TRPC1: variants seen among roughly 807,000 people sequenced by gnomAD.
The protein encoded by TRPC1 is short transient receptor potential channel 1.
A neutral mutation model predicts 88.2 loss-of-function variants in TRPC1; 42 were observed. The ratio of observed to expected loss-of-function variants is 0.48; its 90% CI spans 0.37 to 0.62. The LOEUF is 0.62. Among genes scored for constraint, TRPC1 ranks in the 20% least tolerant of loss-of-function variants. TRPC1 has a pLI of 0.00. For missense variants in TRPC1, 699 were observed against 957.3 expected (o/e 0.73, Z 3.56); for synonymous variants, 288 against 331.8 (o/e 0.87, Z 1.43).
intron 9 of TRPC1, among the ~76,000 whole-genome samples, chr3:142,799,156 T>A (rs1936536374): frequency 6.6e-6 from 1 of 152,156 alleles, no homozygotes; most frequent in Admixed American, 6.6e-5. Flanking sequence ...GTAGTTTGCT[T>A]TAATTTCCCT....
At chr3:142,797,013 CCT>C (rs1006049746) in intron 9 of TRPC1, among the ~76,000 whole-genome samples, 4 of 152,030 alleles carry the variant, frequency 2.6e-5, no homozygotes, top group Non-Finnish European at 5.9e-5. Flanking sequence ...GTTTGCCCTT[CCT>C]CTTTTTTTCT....
At chr3:142,756,954 T>C (rs1934992807) in intron 4 of TRPC1, among the ~76,000 whole-genome samples, 1 of 152,228 alleles carries the variant, frequency 6.6e-6, no homozygotes. Context: ...TCTACTGTTT[T>C]AGCTACCAAA....
chr3:142,780,802 C>T (rs572233004), intron 5 of TRPC1, 32 bp from the exon 6 acceptor site: 20 of 1,546,458 alleles, frequency 1.3e-5, no homozygotes, highest in Middle Eastern at 1.7e-4. Context: ...ATGGAAACGA[C>T]GTTTCTGATA....
intron 9 of TRPC1, among the ~76,000 whole-genome samples, chr3:142,795,664 C>T (rs1936428652): frequency 6.6e-6 from 1 of 151,768 alleles, no homozygotes. Flanking sequence ...CTTCCAGACA[C>T]ACAAAAGCTA....
intron 4 of TRPC1, among the ~76,000 whole-genome samples, chr3:142,749,645 A>T (rs539841663): frequency 2.2e-4 from 34 of 152,348 alleles, no homozygotes; most frequent in Middle Eastern, 3.4e-3. Flanking sequence ...ACAAAGCTGG[A>T]GGCATCACGC....
intron 3 of TRPC1, among the ~76,000 whole-genome samples, chr3:142,747,159 A>G (rs968398255): frequency 3.9e-5 from 6 of 152,156 alleles, no homozygotes; most frequent in African/African-American, 1.4e-4. Context: ...TCCTTAGAAT[A>G]CCTACTGTTT....
chr3:142,804,236 A>G, intron 11 of TRPC1, 58 bp downstream of exon 11: 3 of 1,456,712 alleles, frequency 2.1e-6, no homozygotes, highest in Non-Finnish European at 2.9e-6. Context: ...AGTGCATACA[A>G]TAGATAAGAT....
chr3:142,784,473 T>G (rs1188305477), intron 6 of TRPC1, among the ~76,000 whole-genome samples: 1 of 152,176 alleles, frequency 6.6e-6, no homozygotes, highest in Non-Finnish European at 1.5e-5. Context: ...TTAAAGGTCA[T>G]TTACCAAGTA....
At chr3:142,800,985 G>A (rs1936602869) in intron 9 of TRPC1, among the ~76,000 whole-genome samples, 1 of 151,282 alleles carries the variant, frequency 6.6e-6, no homozygotes, top group African/African-American at 2.4e-5. Context: ...GATAAACATG[G>A]TTAACAATTT....
intron 4 of TRPC1, among the ~76,000 whole-genome samples, chr3:142,755,272 A>T (rs1447082998): frequency 2.0e-5 from 3 of 151,988 alleles, no homozygotes; most frequent in African/African-American, 7.3e-5. Flanking sequence ...CAAATACAAA[A>T]ATATTAGCCG....
chr3:142,763,959 A>AATATATATATATATATACATATATATAT (rs1935280131), intron 4 of TRPC1, among the ~76,000 whole-genome samples: 7 of 76,314 alleles, frequency 9.2e-5, no homozygotes, highest in African/African-American at 1.3e-4. Context: ...AAAAAAAAGA[A>AATATATATATATATATACATATATATAT]ATATATATAT....
In TRPC1 at chr3:142,724,546, C is replaced by G; in HGVS notation, c.-14C>G. The G allele has an allele frequency of 6.4e-7, 1 of 1,555,712 alleles. No individual in the cohort carries two copies. The highest frequency in any genetic ancestry group is 1.2e-5 in the South Asian group (1 of 85,086). On this transcript the variant is annotated 5_prime_UTR_variant, in exon 1 of 13. Transcript: ENST00000476941. This position sits in a 1 kb window ranked among gnomAD's most constrained non-coding sequence, Gnocchi z 5.6. ...CCGCCCCCGTCTCCTGGCCTGCCCC[C>G]TTCATGGGCCGCGATGATGGCGGCC... is the stretch of plus-strand genomic sequence containing the variant.
At chr3:142,760,504 T>A (rs556196319) in intron 4 of TRPC1, among the ~76,000 whole-genome samples, 5 of 152,318 alleles carry the variant, frequency 3.3e-5, no homozygotes, top group Admixed American at 1.3e-4. Context: ...TATTTTGAAG[T>A]CAGGTAATGT....
At chr3:142,784,655 G>T in intron 6 of TRPC1, 49 bp from the exon 7 acceptor site, 1 of 1,412,050 alleles carries the variant, frequency 7.1e-7, no homozygotes, top group South Asian at 1.4e-5. Context: ...GTATTTAAAG[G>T]TTTCCTTTTA....
At position 142,802,213 on chromosome 3, in the gene TRPC1, G is replaced by T; in HGVS notation, c.1626G>T (p.Gly542=). Residue 542 remains glycine, a synonymous_variant, in exon 10 of 13, where the codon GGG becomes GGT. Transcript: ENST00000476941. ...TACAAGATTTTGGAAAATTTCTTGG[G>T]ATGTTTCTTCTTGTTTTGTTTTCTT... The part of the protein sequence containing the change: ...QMLQDFGKFL[G]MFLLVLFSFT... 1 of 1,594,244 alleles carries T rather than the reference G, an allele frequency of 6.3e-7. No homozygotes were observed. Among genetic ancestry groups the T allele is most frequent in the South Asian group, 1.2e-5 (1 of 86,554 alleles).
At chr3:142,748,220 A>G in intron 3 of TRPC1, 38 bp from the exon 4 acceptor site, 1 of 1,539,856 alleles carries the variant, frequency 6.5e-7, no homozygotes, top group Non-Finnish European at 8.9e-7. Flanking sequence ...TTGAAGTCAC[A>G]AATAATAACT....
Position 142,792,900 on chromosome 3 carries a change from C to T in TRPC1, c.1514C>T (p.Ala505Val), listed in dbSNP as rs1363312167. 1 of 1,610,358 alleles carries T rather than the reference C, an allele frequency of 6.2e-7. No homozygotes were observed. Among genetic ancestry groups the T allele is most frequent in the Non-Finnish European group, 8.5e-7 (1 of 1,177,900 alleles). The change falls in exon 9 of 13, where the codon GCA (alanine) becomes GTA (valine). Residue 505 changes from alanine (A) to valine (V), a missense_variant. Transcript: ENST00000476941. The surrounding 1 kb of genome is among the most constrained non-coding windows in gnomAD (Gnocchi z 4.0). ...GTGGCAGAAGGGCTTTTTGCATTTG[C>T]AAATGTTCTAAGTTATCTTCGTCTC... The part of the protein sequence containing the change: ...TLVAEGLFAF[A>V]NVLSYLRLFF...
intron 9 of TRPC1, among the ~76,000 whole-genome samples, chr3:142,795,209 T>C (rs1936415638): frequency 6.6e-6 from 1 of 152,036 alleles, no homozygotes; most frequent in African/African-American, 2.4e-5. Flanking sequence ...AGAGTATCTG[T>C]GAACTTTGGG....
chr3:142,770,918 GC>G (rs1239509165), intron 4 of TRPC1, among the ~76,000 whole-genome samples: 1 of 152,192 alleles, frequency 6.6e-6, no homozygotes, highest in African/African-American at 2.4e-5. Flanking sequence ...GAAACATAGT[GC>G]CAGCATCTGC....
Sources: allele counts gnomAD v4.1 joint callset (sites outside exome capture counted in the v4.1 genomes callset), GRCh38; gene constraint gnomAD v4.1.1; non-coding constraint Gnocchi (gnomAD v3.1); transcripts MANE v1.5; gene names NCBI Gene and HGNC (gene_info 2026-07-23, HGNC 2026-07-21).